GFOD1: variants seen among roughly 807,000 people sequenced by gnomAD.
The protein encoded by GFOD1 is glucose-fructose oxidoreductase domain-containing protein 1.
GFOD1 carries 9 observed loss-of-function variants against 25.4 expected under a neutral mutation model. The observed-to-expected ratio is 0.35, with a 90% CI of 0.21 to 0.62. The LOEUF (loss-of-function observed/expected upper bound fraction) is 0.62, where lower values mean the gene tolerates loss of function less well. Ranked by LOEUF, GFOD1 falls within the 20% of genes least tolerant of loss-of-function variation. GFOD1 has a pLI of 0.72. For synonymous variants in GFOD1, 253 were observed against 245.6 expected (o/e 1.03, Z -0.28); for missense variants, 403 against 556.9 (o/e 0.72, Z 2.78).
intron 1 of GFOD1, among the ~76,000 whole-genome samples, chr6:13,397,676 A>G (rs943242533): frequency 2.2e-4 from 34 of 152,346 alleles, no homozygotes; most frequent in African/African-American, 7.2e-4. Flanking sequence ...AACAGGACAA[A>G]TATTTGGCCA....
chr6:13,458,387 G>C (rs1401566762), intron 1 of GFOD1, among the ~76,000 whole-genome samples: 1 of 152,058 alleles, frequency 6.6e-6, no homozygotes, highest in Non-Finnish European at 1.5e-5. Context: ...AAAGTGCTGG[G>C]ATTAAAAGCA....
intron 1 of GFOD1, among the ~76,000 whole-genome samples, chr6:13,424,627 TG>T (rs1554202857): frequency 6.6e-6 from 1 of 152,250 alleles, no homozygotes; most frequent in Non-Finnish European, 1.5e-5. Context: ...ATCATTATTT[TG>T]TTTTAAGAAC....
At chr6:13,441,923 G>A (rs1757922054) in intron 1 of GFOD1, among the ~76,000 whole-genome samples, 2 of 152,308 alleles carry the variant, frequency 1.3e-5, no homozygotes, top group Non-Finnish European at 2.9e-5. Flanking sequence ...GATACAAGGA[G>A]AGAACCAGCC....
intron 1 of GFOD1, among the ~76,000 whole-genome samples, chr6:13,458,757 CAAAAAAAAAAAAAAAA>C (rs5874418): frequency 3.5e-4 from 20 of 57,238 alleles, no homozygotes; most frequent in Admixed American, 1.1e-3. Context: ...TCCCCTTGAG[CAAAAAAAAAAAAAAAA>C]AAAAAAAAAA....
At chr6:13,410,159 T>A (rs1338520054) in intron 1 of GFOD1, among the ~76,000 whole-genome samples, 1 of 152,092 alleles carries the variant, frequency 6.6e-6, no homozygotes, top group Non-Finnish European at 1.5e-5. Context: ...TAACTTCAGA[T>A]AAATATAGCA....
At chr6:13,459,806 T>A (rs532310219) in intron 1 of GFOD1, among the ~76,000 whole-genome samples, 18 of 152,116 alleles carry the variant, frequency 1.2e-4, no homozygotes, top group Admixed American at 2.6e-4. Context: ...TGAGATACCA[T>A]CTCATGCCAG....
chr6:13,376,211 G>A (rs1483312855), intron 1 of GFOD1, among the ~76,000 whole-genome samples: 1 of 152,178 alleles, frequency 6.6e-6, no homozygotes, highest in African/African-American at 2.4e-5. Context: ...GGTGGGACGG[G>A]GGCAAGAGGT....
chr6:13,375,960 T>C (rs1156427885), intron 1 of GFOD1, among the ~76,000 whole-genome samples: 1 of 152,230 alleles, frequency 6.6e-6, no homozygotes, highest in Admixed American at 6.5e-5. Context: ...AGAATGCAGA[T>C]ATGATATTGG....
intron 1 of GFOD1, among the ~76,000 whole-genome samples, chr6:13,461,691 C>G (rs1315595879): frequency 3.3e-5 from 5 of 152,170 alleles, no homozygotes; most frequent in African/African-American, 1.2e-4. Flanking sequence ...AGGGTTCACT[C>G]TCTCCCTCAC....
chr6:13,447,606 T>C (rs948293005), intron 1 of GFOD1, among the ~76,000 whole-genome samples: 6 of 151,090 alleles, frequency 4.0e-5, no homozygotes, highest in Admixed American at 3.9e-4. Context: ...CCAGGCATGG[T>C]AGTGGGCACC....
chr6:13,471,946 A>C lies in GFOD1; in HGVS notation c.253+14692T>G, dbSNP rs960282080. ...CAAGCTGCTGATAAAGACATACCCA[A>C]GACTGGGAAGAAAAAGAGGTTTAAT... On this transcript the variant is annotated intron_variant, in intron 1 of 1. Coordinates refer to ENST00000379287, the MANE Select transcript of GFOD1 (RefSeq NM_018988.4). 2.3e-4 allele frequency: 35 copies of C among 154,262 alleles called. 1 individual carries two copies. The highest frequency in any genetic ancestry group is 2.0e-3 in the Admixed American group (30 of 15,318). The allele number at this position is 154,262 out of a possible 1,614,324, so 9.6% of individuals were successfully genotyped here. A position where few individuals can be genotyped will look rare whatever the true frequency, so the allele number is the denominator to read the frequency against.
chr6:13,425,590 C>T (rs1237327186), intron 1 of GFOD1, among the ~76,000 whole-genome samples: 1 of 152,188 alleles, frequency 6.6e-6, no homozygotes, highest in African/African-American at 2.4e-5. Flanking sequence ...ATTGGCAGTC[C>T]TCATTCAGAT....
intron 1 of GFOD1, among the ~76,000 whole-genome samples, chr6:13,481,293 C>G (rs1006572677): frequency 2.6e-5 from 4 of 152,194 alleles, no homozygotes; most frequent in South Asian, 2.1e-4. Context: ...TGAGAATGAG[C>G]TAGCCATTCC....
At chr6:13,462,876 C>T (rs752089507) in intron 1 of GFOD1, among the ~76,000 whole-genome samples, 4 of 152,176 alleles carry the variant, frequency 2.6e-5, no homozygotes, top group Non-Finnish European at 5.9e-5. Flanking sequence ...TGCCTCTCGG[C>T]TGAGAGAGTT....
chr6:13,437,289 T>C (rs1403978304), intron 1 of GFOD1, among the ~76,000 whole-genome samples: 1 of 152,192 alleles, frequency 6.6e-6, no homozygotes, highest in Non-Finnish European at 1.5e-5. Flanking sequence ...ATCTTTGAAA[T>C]CATCCTTTCT....
At chr6:13,391,444 G>C (rs1055575920) in intron 1 of GFOD1, among the ~76,000 whole-genome samples, 1 of 146,362 alleles carries the variant, frequency 6.8e-6, no homozygotes, top group African/African-American at 2.5e-5. Flanking sequence ...GTTGCAGTGA[G>C]CTGAGATTGT....
At chr6:13,469,768 G>A in intron 1 of GFOD1, 1 of 1,130,746 alleles carries the variant, frequency 8.8e-7, no homozygotes, top group South Asian at 1.6e-5. Context: ...AATGACACAT[G>A]ATATTTAACC....
intron 1 of GFOD1, among the ~76,000 whole-genome samples, chr6:13,411,955 C>T (rs1213462478): frequency 6.6e-6 from 1 of 152,192 alleles, no homozygotes; most frequent in African/African-American, 2.4e-5. Context: ...AATTACTCAG[C>T]GTCTTTGTGC....
intron 1 of GFOD1, among the ~76,000 whole-genome samples, chr6:13,412,446 T>C (rs1786092198): frequency 6.6e-6 from 1 of 152,170 alleles, no homozygotes. Context: ...TATGAGAAGA[T>C]AAATTTCCTT....
Sources: gnomAD v4.1 joint callset for allele counts (sites outside exome capture counted in the v4.1 genomes callset) on GRCh38, gnomAD v4.1.1 for gene constraint, MANE v1.5 for transcripts, NCBI Gene and HGNC (gene_info 2026-07-23, HGNC 2026-07-21) for gene names.